The following PTK2 variants were observed in gnomAD, a reference collection of about 807,000 sequenced individuals.
The protein encoded by PTK2 is protein tyrosine kinase 2, also known as focal adhesion kinase 1.
In PTK2, 45 loss-of-function variants were observed where a neutral mutation model predicts 150.1. That is an observed-to-expected ratio of 0.30 (90% confidence interval 0.24 to 0.38). PTK2 has a LOEUF of 0.38. Among genes scored for constraint, PTK2 ranks in the 10% least tolerant of loss-of-function variants. PTK2 has a pLI of 1.00. For missense variants in PTK2, 919 were observed against 1,307.3 expected (o/e 0.70, Z 4.58); for synonymous variants, 432 against 449.2 (o/e 0.96, Z 0.48).
At chr8:140,968,852 A>G (rs1029425351) in intron 1 of PTK2, among the ~76,000 whole-genome samples, 5 of 152,222 alleles carry the variant, frequency 3.3e-5, no homozygotes, top group African/African-American at 1.2e-4. Flanking sequence ...ATCTATCTAT[A>G]AGCCAAATTC....
At chr8:140,678,811 G>C (rs1334035483) in intron 27 of PTK2, among the ~76,000 whole-genome samples, 1 of 152,110 alleles carries the variant, frequency 6.6e-6, no homozygotes, top group Non-Finnish European at 1.5e-5. Flanking sequence ...AGGGCAGATA[G>C]AGAGGCGTGA....
chr8:140,788,002 C>T lies in PTK2; in HGVS notation c.1177+1472G>A, dbSNP rs150243794. Among the ~76,000 whole-genome samples, 608 of 152,300 alleles carry T rather than the reference C, an allele frequency of 4.0e-3. 11 individuals carry two copies. The highest frequency in any genetic ancestry group is 6.8e-3 in the East Asian group (35 of 5,176). Reference sequence around the variant, plus strand: ...GGTCTTTCTCTCTCCAACTAGATTACAAACTCCGTGAGGGCCTGGCAAGTT... The same window carrying T: ...GGTCTTTCTCTCTCCAACTAGATTATAAACTCCGTGAGGGCCTGGCAAGTT... On this transcript the variant is annotated intron_variant, in intron 14 of 31. Transcript: ENST00000522684.
intron 1 of PTK2, among the ~76,000 whole-genome samples, chr8:141,000,026 AAAAAG>A (rs1429949816): frequency 9.6e-4 from 146 of 151,446 alleles, no homozygotes; most frequent in African/African-American, 3.3e-3. Flanking sequence ...AAAAAAAAAA[AAAAAG>A]AAACTTTACC....
intron 1 of PTK2, among the ~76,000 whole-genome samples, chr8:140,951,337 G>A (rs1483842000): frequency 1.3e-5 from 2 of 152,158 alleles, no homozygotes; most frequent in Admixed American, 6.5e-5. Flanking sequence ...CCATACTGCA[G>A]GAGCTCAAAT....
intron 5 of PTK2, among the ~76,000 whole-genome samples, chr8:140,855,363 A>C (rs972943915): frequency 6.6e-6 from 1 of 152,106 alleles, no homozygotes; most frequent in Non-Finnish European, 1.5e-5. Flanking sequence ...TGGGAGGCCG[A>C]GGCGGGTGGA....
chr8:140,825,567 A>G (rs2100111324), intron 8 of PTK2, among the ~76,000 whole-genome samples: 1 of 152,190 alleles, frequency 6.6e-6, no homozygotes, highest in African/African-American at 2.4e-5. Flanking sequence ...AAATTTGCCT[A>G]TTTTGACTTG....
intron 22 of PTK2, among the ~76,000 whole-genome samples, chr8:140,725,238 A>T (rs1319014693): frequency 6.6e-6 from 1 of 151,110 alleles, no homozygotes; most frequent in Non-Finnish European, 1.5e-5. Context: ...GGCTCATGTG[A>T]TCCTCCCATC....
intron 27 of PTK2, among the ~76,000 whole-genome samples, chr8:140,686,263 A>G (rs2100019772): frequency 6.6e-6 from 1 of 152,246 alleles, no homozygotes; most frequent in East Asian, 1.9e-4. Context: ...GAGGAGGGTG[A>G]GAGGAGGGTG....
intron 2 of PTK2, among the ~76,000 whole-genome samples, chr8:140,917,960 C>G (rs931661069): frequency 3.9e-5 from 6 of 152,174 alleles, no homozygotes; most frequent in African/African-American, 1.4e-4. Flanking sequence ...ACCATGCATT[C>G]TACTCTTAGG....
At chr8:140,972,821 A>T (rs1191140027) in intron 1 of PTK2, among the ~76,000 whole-genome samples, 1 of 151,686 alleles carries the variant, frequency 6.6e-6, no homozygotes, top group Non-Finnish European at 1.5e-5. Flanking sequence ...TTTTCCTTTT[A>T]AACTAAGTCT....
At chr8:140,860,230 CTT>C (rs996518139) in intron 5 of PTK2, among the ~76,000 whole-genome samples, 6 of 152,196 alleles carry the variant, frequency 3.9e-5, no homozygotes, top group African/African-American at 1.4e-4. Context: ...TAATTTCTTT[CTT>C]GTTACTGTAA....
intron 18 of PTK2, among the ~76,000 whole-genome samples, chr8:140,745,168 G>A (rs984280560): frequency 4.6e-5 from 7 of 152,148 alleles, no homozygotes; most frequent in Admixed American, 2.0e-4. Flanking sequence ...ACCTTACTGT[G>A]GCTCTGCGAA....
intron 2 of PTK2, among the ~76,000 whole-genome samples, chr8:140,923,733 G>C (rs777435799): frequency 1.3e-5 from 2 of 152,098 alleles, no homozygotes; most frequent in Non-Finnish European, 2.9e-5. Flanking sequence ...ACCTCTTTTA[G>C]TACTGGCATA....
intron 21 of PTK2, among the ~76,000 whole-genome samples, chr8:140,736,419 GT>G (rs2100052643): frequency 6.6e-6 from 1 of 151,674 alleles, no homozygotes; most frequent in South Asian, 2.1e-4. Context: ...TACCCATTGG[GT>G]ACTATGTTCA....
At chr8:141,001,447 C>A (rs1016307209), upstream of PTK2, 2 of 152,044 alleles carry the variant, frequency 1.3e-5, no homozygotes, top group African/African-American at 2.4e-5. Flanking sequence ...CTAGGCTCTG[C>A]TCGCGTAATT....
At chr8:140,886,330 T>G (rs1444733714) in intron 3 of PTK2, among the ~76,000 whole-genome samples, 1 of 152,092 alleles carries the variant, frequency 6.6e-6, no homozygotes, top group African/African-American at 2.4e-5. Context: ...TACTGCAGGT[T>G]GAAGAAAGTG....
intron 10 of PTK2, among the ~76,000 whole-genome samples, chr8:140,811,747 C>T (rs1367022101): frequency 6.6e-6 from 1 of 152,158 alleles, no homozygotes; most frequent in Non-Finnish European, 1.5e-5. Context: ...CTGAAAAGCA[C>T]ACTACAAAGA....
chr8:140,714,607 G>A (rs1246601528), intron 23 of PTK2, among the ~76,000 whole-genome samples: 1 of 151,552 alleles, frequency 6.6e-6, no homozygotes, highest in Non-Finnish European at 1.5e-5. Context: ...GACCAGCCTG[G>A]CCAACATGGT....
At chr8:140,825,401 T>A (rs1453612616) in intron 8 of PTK2, among the ~76,000 whole-genome samples, 4 of 152,180 alleles carry the variant, frequency 2.6e-5, no homozygotes, top group African/African-American at 9.7e-5. Context: ...TAATGACTAT[T>A]TTCTCCAAGA....
Sources: allele counts gnomAD v4.1 joint callset (sites outside exome capture counted in the v4.1 genomes callset), GRCh38; gene constraint gnomAD v4.1.1; transcripts MANE v1.5; gene names NCBI Gene and HGNC (gene_info 2026-07-23, HGNC 2026-07-21).